Variants in HSD17B14 observed in about 807,000 individuals in gnomAD.
HSD17B14 encodes the protein L-fucose dehydrogenase.
HSD17B14 carries 32 observed loss-of-function variants against 32.2 expected under a neutral mutation model. The observed-to-expected ratio is 0.99, with a 90% confidence interval of 0.75 to 1.33. HSD17B14 has a LOEUF of 1.33. Ranked by LOEUF, HSD17B14 falls within the 40% of genes most tolerant of loss-of-function variation. HSD17B14 has a pLI of 0.00. For synonymous variants in HSD17B14, 140 were observed against 155.4 expected, an observed-to-expected ratio of 0.90 and a Z score of 0.74; for missense variants, 370 against 366.5, an observed-to-expected ratio of 1.01 and a Z score of -0.08.
chr19:48,834,211 G>A (rs2035405234), intron 3 of HSD17B14, 65 bp downstream of exon 3: 3 of 1,329,748 alleles, frequency 2.3e-6, no homozygotes, highest in African/African-American at 2.9e-5. Flanking sequence ...ATATGCAAAT[G>A]GCTGGAGGAG....
intron 6 of HSD17B14, among the ~76,000 whole-genome samples, 178 bp from the exon 7 acceptor site, chr19:48,813,908 C>CA (rs1382596281): frequency 2.0e-5 from 3 of 152,186 alleles, no homozygotes; most frequent in African/African-American, 7.2e-5. Flanking sequence ...AAATCTGTCA[C>CA]AGGAAGGCCA....
intron 5 of HSD17B14, among the ~76,000 whole-genome samples, chr19:48,830,043 A>C (rs1336195555): frequency 2.6e-5 from 4 of 152,012 alleles, no homozygotes; most frequent in Non-Finnish European, 5.9e-5. Flanking sequence ...ATCTCAGCTC[A>C]CTGCAACCTC....
chr19:48,829,052 C>A (rs1239293245), intron 5 of HSD17B14, among the ~76,000 whole-genome samples: 2 of 151,950 alleles, frequency 1.3e-5, no homozygotes, highest in Non-Finnish European at 2.9e-5. Context: ...CAGAGTAAGA[C>A]TCTGTCTCAA....
At chr19:48,824,777 AAAAGAAAGAAAG>A (rs150958177) in intron 5 of HSD17B14, among the ~76,000 whole-genome samples, 1 of 142,104 alleles carries the variant, frequency 7.0e-6, no homozygotes, top group Non-Finnish European at 1.5e-5. Context: ...GACAAAAAAA[AAAAGAAAGAAAG>A]AAAGAAAGAA....
chr19:48,828,737 C>T (rs1295242377), intron 5 of HSD17B14, among the ~76,000 whole-genome samples: 1 of 151,886 alleles, frequency 6.6e-6, no homozygotes, highest in Non-Finnish European at 1.5e-5. Context: ...TGAGACCAGC[C>T]TGGACAACAT....
intron 5 of HSD17B14, among the ~76,000 whole-genome samples, chr19:48,828,039 A>T (rs2035280085): frequency 6.6e-6 from 1 of 151,800 alleles, no homozygotes; most frequent in African/African-American, 2.4e-5. Flanking sequence ...TATTTTTAGT[A>T]GAGACGGGGT....
intron 5 of HSD17B14, among the ~76,000 whole-genome samples, chr19:48,826,542 T>TATATATATATACACACACACAC: frequency 2.5e-5 from 2 of 80,120 alleles, no homozygotes; most frequent in African/African-American, 1.0e-4. Flanking sequence ...TATATATATA[T>TATATATATATACACACACACAC]ACACACACAC....
intron 5 of HSD17B14, among the ~76,000 whole-genome samples, chr19:48,817,530 C>G: frequency 6.6e-6 from 1 of 152,108 alleles, no homozygotes; most frequent in South Asian, 2.1e-4. Flanking sequence ...CCCTGGGTCC[C>G]CTTCCCTCTT....
chr19:48,833,213 C>A (rs2035376186), intron 3 of HSD17B14, among the ~76,000 whole-genome samples: 1 of 150,062 alleles, frequency 6.7e-6, no homozygotes, highest in Non-Finnish European at 1.5e-5. Flanking sequence ...AAGCAGGAGA[C>A]AGGAAGGAGA....
At chr19:48,821,566 C>A (rs2035148696) in intron 5 of HSD17B14, among the ~76,000 whole-genome samples, 1 of 152,004 alleles carries the variant, frequency 6.6e-6, no homozygotes, top group African/African-American at 2.4e-5. Context: ...CCAGAATCAA[C>A]ATTTAAAGAG....
At chr19:48,831,818 G>C (rs1168560248) in intron 4 of HSD17B14, 59 bp from the exon 5 acceptor site, 1 of 982,102 alleles carries the variant, frequency 1.0e-6, no homozygotes, top group Non-Finnish European at 1.6e-6. Context: ...AGTTGCCCAC[G>C]CCTGTAATCC....
intron 5 of HSD17B14, among the ~76,000 whole-genome samples, chr19:48,826,619 G>T (rs1362144560): frequency 6.7e-6 from 1 of 148,338 alleles, no homozygotes; most frequent in Non-Finnish European, 1.5e-5. Context: ...TGTTTTATGT[G>T]TGGAGGTGTT....
At chr19:48,831,970 C>G (rs1319440253) in intron 4 of HSD17B14, among the ~76,000 whole-genome samples, 11 of 150,492 alleles carry the variant, frequency 7.3e-5, no homozygotes, top group Non-Finnish European at 1.3e-4. Flanking sequence ...CCCAGCTACT[C>G]AGGAGGCTGA....
rs1245833248 is a variant in HSD17B14, at chr19:48,825,986, A to AT, written c.369+5681dup. ...CAGGCACCCGCCACCGCGCACAGCT[A>AT]TTTTTTTGTATTTTTAGTAGAGATG... On this transcript the variant is annotated intron_variant, in intron 5 of 8. Transcript: ENST00000263278. Among the ~76,000 whole-genome samples, 8 of 151,578 alleles carry AT rather than the reference A, an allele frequency of 5.3e-5. No homozygotes were observed. The South Asian group carries it at 6.3e-4, about 12-fold the overall frequency.
intron 5 of HSD17B14, among the ~76,000 whole-genome samples, chr19:48,823,611 A>G (rs1424261170): frequency 6.6e-6 from 1 of 151,140 alleles, no homozygotes; most frequent in East Asian, 1.9e-4. Context: ...GGTATTTATT[A>G]TACTACTATA....
At chr19:48,829,975 TA>T (rs1464716993) in intron 5 of HSD17B14, among the ~76,000 whole-genome samples, 1 of 151,716 alleles carries the variant, frequency 6.6e-6, no homozygotes, top group South Asian at 2.1e-4. Context: ...ATTAATGAAT[TA>T]TTTTTTTTTT....
At chr19:48,814,706 C>A (rs772115108) in intron 6 of HSD17B14, among the ~76,000 whole-genome samples, 1 of 148,934 alleles carries the variant, frequency 6.7e-6, no homozygotes, top group Non-Finnish European at 1.5e-5. Context: ...TAGCTGGGTG[C>A]GGTGGCATGC....
rs185469492 is a variant in HSD17B14 at position 48,820,774 on chromosome 19, G to A, written c.370-5633C>T. Reference sequence around the variant, plus strand: ...TCCCAGCTCTCAGGGAGGCAGAGGCGGGAGGATAGCTTGAGCCCAGGAGTT... The same window carrying A: ...TCCCAGCTCTCAGGGAGGCAGAGGCAGGAGGATAGCTTGAGCCCAGGAGTT... On this transcript the variant is annotated intron_variant, in intron 5 of 8. Coordinates refer to ENST00000263278, the MANE Select transcript of HSD17B14 (RefSeq NM_016246.3). 1.2e-3 allele frequency among the ~76,000 whole-genome samples: 185 copies of A among 151,870 alleles called. 2 individuals carry two copies. The highest frequency in any genetic ancestry group is 4.2e-3 in the African/African-American group (173 of 41,484).
intron 4 of HSD17B14, 126 bp downstream of exon 4, chr19:48,832,540 C>T: frequency 2.4e-6 from 2 of 839,788 alleles, no homozygotes; most frequent in Non-Finnish European, 4.0e-6. Flanking sequence ...CTCTCCTGTC[C>T]AAGTGGCTAG....
Sources: allele counts gnomAD v4.1 joint callset (sites outside exome capture counted in the v4.1 genomes callset), GRCh38; gene constraint gnomAD v4.1.1; transcripts MANE v1.5; gene names NCBI Gene and HGNC (gene_info 2026-07-23, HGNC 2026-07-21).